ZNF438: variants seen among roughly 807,000 people sequenced by gnomAD.
ZNF438 encodes the protein zinc finger protein 438.
In ZNF438, 25 loss-of-function variants were observed where a neutral mutation model predicts 38.0. The ratio of observed to expected loss-of-function variants is 0.66; its 90% CI spans 0.48 to 0.92. The LOEUF (loss-of-function observed/expected upper bound fraction) is 0.92. Ranked by LOEUF, ZNF438 falls within the 40% of genes least tolerant of loss-of-function variation. The probability of loss-of-function intolerance (pLI) is 0.00; values close to 1 mark genes in which losing one functional copy is unlikely to be tolerated. For synonymous variants in ZNF438, 372 were observed against 364.1 expected, an observed-to-expected ratio of 1.02 and a Z score of -0.25; for missense variants, 1,007 against 999.6, an observed-to-expected ratio of 1.01 and a Z score of -0.10.
At chr10:30,866,648 CA>C (rs2036475746) in intron 4 of ZNF438, among the ~76,000 whole-genome samples, 1 of 152,090 alleles carries the variant, frequency 6.6e-6, no homozygotes, top group Non-Finnish European at 1.5e-5. Flanking sequence ...TCCTGGCTAA[CA>C]CGGTGAAACC....
intron 1 of ZNF438, among the ~76,000 whole-genome samples, chr10:31,010,239 C>G (rs1366943370): frequency 6.6e-6 from 1 of 152,176 alleles, no homozygotes; most frequent in African/African-American, 2.4e-5. Flanking sequence ...ATATGTTTAC[C>G]TTTAACCAGA....
chr10:30,931,503 C>T (rs2045694734), intron 2 of ZNF438, among the ~76,000 whole-genome samples: 1 of 151,660 alleles, frequency 6.6e-6, no homozygotes, highest in Admixed American at 6.6e-5. Context: ...CTTTTTTTTG[C>T]CCCAAATTAA....
At chr10:31,011,625 T>G (rs1035798251) in intron 1 of ZNF438, among the ~76,000 whole-genome samples, 1 of 151,624 alleles carries the variant, frequency 6.6e-6, no homozygotes, top group Non-Finnish European at 1.5e-5. Context: ...TATTGTGGAG[T>G]GGGTGTGTCT....
At chr10:31,027,004 ACAC>A (rs201307938) in intron 1 of ZNF438, among the ~76,000 whole-genome samples, 2,322 of 151,678 alleles carry the variant, frequency 0.015, 51 homozygotes, top group African/African-American at 0.054. Context: ...AGAAAACCAC[ACAC>A]CACATGTTCT....
intron 2 of ZNF438, among the ~76,000 whole-genome samples, chr10:30,927,570 T>TA (rs2045104667): frequency 2.0e-5 from 3 of 152,264 alleles, no homozygotes; most frequent in Admixed American, 1.3e-4. Flanking sequence ...TCAGTATTCC[T>TA]AATCCTAGAT....
chr10:30,955,170 T>C (rs532182809), intron 1 of ZNF438, among the ~76,000 whole-genome samples: 1 of 152,312 alleles, frequency 6.6e-6, no homozygotes, highest in East Asian at 1.9e-4. Flanking sequence ...AAATAACAAG[T>C]TCTTGAACTT....
chr10:30,869,591 C>T (rs2037060197), intron 4 of ZNF438, among the ~76,000 whole-genome samples: 1 of 152,070 alleles, frequency 6.6e-6, no homozygotes, highest in Non-Finnish European at 1.5e-5. Flanking sequence ...TGTGTGTTTT[C>T]CATTTGTTCT....
chr10:31,025,129 C>T (rs1243592498), intron 1 of ZNF438, among the ~76,000 whole-genome samples: 1 of 151,944 alleles, frequency 6.6e-6, no homozygotes, highest in Non-Finnish European at 1.5e-5. Flanking sequence ...AGGCATTTGC[C>T]ACTTAAAACT....
At chr10:30,845,090 T>C (rs1219225873) in exon 6 of ZNF438, 2 of 1,614,178 alleles carry the variant, frequency 1.2e-6, no homozygotes, top group South Asian at 1.1e-5. Context: ...CCTCTTTCCG[T>C]CCCAGCATCT....
At chr10:30,885,309 A>G (rs2039812289) in intron 3 of ZNF438, among the ~76,000 whole-genome samples, 1 of 152,178 alleles carries the variant, frequency 6.6e-6, no homozygotes, top group Non-Finnish European at 1.5e-5. Context: ...TCCAGTTTTG[A>G]TTCTACTGTT....
At chr10:30,956,650 GC>G (rs1436917719) in intron 1 of ZNF438, among the ~76,000 whole-genome samples, 2 of 152,118 alleles carry the variant, frequency 1.3e-5, no homozygotes, top group African/African-American at 4.8e-5. Context: ...TAAATGAGAT[GC>G]CTGGCTTATT....
chr10:30,849,432 C>T lies in ZNF438; in HGVS notation c.973G>A (p.Asp325Asn), dbSNP rs765253238. The T allele has an allele frequency of 1.5e-5, 25 of 1,614,040 alleles. No individual in the cohort carries two copies. The highest frequency in any genetic ancestry group is 1.6e-4 in the Middle Eastern group (1 of 6,084). ...GTGGTGGAGGGTATCTTATCACAGT[C>T]GGCCTTAGGTCCTGGTAAAGAAAAA... Residue 325 changes from aspartate to asparagine, a missense_variant, in exon 5 of 6, where the codon GAC becomes AAC. Coordinates refer to ENST00000413025, the Ensembl canonical transcript of ZNF438.
intron 1 of ZNF438, among the ~76,000 whole-genome samples, chr10:31,007,827 A>T (rs1483500809): frequency 4.6e-5 from 7 of 152,108 alleles, no homozygotes. Context: ...AAGAACACTG[A>T]CTCAGTTCTA....
intron 1 of ZNF438, among the ~76,000 whole-genome samples, chr10:30,974,387 C>T (rs1010998074): frequency 2.0e-5 from 3 of 152,150 alleles, no homozygotes; most frequent in African/African-American, 7.2e-5. Flanking sequence ...GTGGGAGGAT[C>T]GCTTTAGCCT....
intron 3 of ZNF438, among the ~76,000 whole-genome samples, chr10:30,901,007 G>T (rs2134249175): frequency 6.6e-6 from 1 of 152,272 alleles, no homozygotes. Flanking sequence ...TTCTCTAAAT[G>T]ACTGTCCTGA....
At chr10:30,894,859 T>A (rs1037499615) in intron 3 of ZNF438, among the ~76,000 whole-genome samples, 1 of 152,214 alleles carries the variant, frequency 6.6e-6, no homozygotes, top group African/African-American at 2.4e-5. Flanking sequence ...TGATAGTCTA[T>A]AACTACTAAT....
chr10:30,889,465 G>T (rs2040402857), intron 3 of ZNF438, among the ~76,000 whole-genome samples: 1 of 152,104 alleles, frequency 6.6e-6, no homozygotes, highest in African/African-American at 2.4e-5. Flanking sequence ...GGATGGAGTG[G>T]CACCATCTTG....
In ZNF438 at chr10:30,921,881, C is replaced by T. The variant is rs191957917; in HGVS notation, c.-114-12866G>A. Among the ~76,000 whole-genome samples the T allele has an allele frequency of 5.4e-3, 822 of 152,216 alleles. 2 individuals are homozygous for T. The highest frequency in any genetic ancestry group is 5.2e-3 in the Non-Finnish European group (355 of 68,002). On this transcript the variant is annotated intron_variant, in intron 2 of 5. Transcript: ENST00000413025. ...GTGTACTGGCAGCTAAGGCATCATG[C>T]GGCCTCTCTTCTCACTTCACAAAAG...
At chr10:30,993,862 C>G (rs1327668753) in intron 1 of ZNF438, among the ~76,000 whole-genome samples, 1 of 152,286 alleles carries the variant, frequency 6.6e-6, no homozygotes, top group East Asian at 1.9e-4. Context: ...GGAGGCCCAA[C>G]CCTGCACCCG....
Sources: gnomAD v4.1 joint callset for allele counts (sites outside exome capture counted in the v4.1 genomes callset) on GRCh38, gnomAD v4.1.1 for gene constraint, MANE v1.5 for transcripts, NCBI Gene and HGNC (gene_info 2026-07-23, HGNC 2026-07-21) for gene names.